The following CASR variants were observed in gnomAD, a reference collection of about 807,000 sequenced individuals.
CASR encodes the protein extracellular calcium-sensing receptor.
CASR carries 23 observed loss-of-function variants against 69.1 expected under a neutral mutation model. That is an observed-to-expected ratio of 0.33 (90% CI 0.24 to 0.47). The LOEUF (loss-of-function observed/expected upper bound fraction) is 0.47. Among genes scored for constraint, CASR ranks in the 20% least tolerant of loss-of-function variants. CASR has a pLI of 1.00. For missense variants in CASR, 924 were observed against 1,356.1 expected (o/e 0.68, Z 5.00); for synonymous variants, 541 against 544.7 (o/e 0.99, Z 0.10).
intron 1 of CASR, among the ~76,000 whole-genome samples, chr3:122,225,694 A>G (rs958405348): frequency 1.3e-5 from 2 of 152,202 alleles, no homozygotes; most frequent in African/African-American, 2.4e-5. Context: ...AAATAGAACT[A>G]TCATTTGACC....
chr3:122,267,031 G>A lies in CASR; in HGVS notation c.1377+4619G>A, dbSNP rs188094641. Among the ~76,000 whole-genome samples the A allele has an allele frequency of 2.0e-5, 3 of 152,234 alleles. No homozygotes were observed. In the East Asian group the frequency reaches 5.8e-4, roughly 29 times the overall value. ...AATAAATAAATAAATAATAAAAAGA[G>A]TGTTCTCTCTCGGGCAGATATCTAA... On this transcript the variant is annotated intron_variant, in intron 4 of 6. Coordinates refer to ENST00000639785, the MANE Select transcript of CASR (RefSeq NM_000388.4).
At chr3:122,202,080 G>T (rs1166622090) in intron 1 of CASR, among the ~76,000 whole-genome samples, 3 of 152,220 alleles carry the variant, frequency 2.0e-5, no homozygotes, top group South Asian at 2.1e-4. Flanking sequence ...CTGGGAGGTG[G>T]AGGTTGTAGC....
intron 5 of CASR, among the ~76,000 whole-genome samples, chr3:122,278,943 A>T (rs2074854648): frequency 6.6e-6 from 1 of 152,280 alleles, no homozygotes; most frequent in South Asian, 2.1e-4. Context: ...TAGACACATG[A>T]CTACCCAGAT....
At chr3:122,271,213 T>C (rs1357712932) in intron 4 of CASR, among the ~76,000 whole-genome samples, 7 of 152,152 alleles carry the variant, frequency 4.6e-5, no homozygotes, top group African/African-American at 1.4e-4. Flanking sequence ...AATTATGCAC[T>C]CAAAAGACAA....
At chr3:122,268,700 C>T (rs772284720) in intron 4 of CASR, among the ~76,000 whole-genome samples, 9 of 152,146 alleles carry the variant, frequency 5.9e-5, no homozygotes, top group Non-Finnish European at 8.8e-5. Context: ...GTAGTGGTCC[C>T]TCAATAAATA....
Position 122,285,206 on chromosome 3 carries a change from A to T in CASR, c.*15A>T. The T allele has an allele frequency of 6.2e-7, 1 of 1,612,508 alleles. No homozygotes were observed. The highest frequency in any genetic ancestry group is 8.5e-7 in the Non-Finnish European group (1 of 1,179,002). ...TGAATTCATAAAATGGAAGGAGAAG[A>T]CTGGGCTAGGGAGAATGCAGAGAGG... On this transcript the variant is annotated 3_prime_UTR_variant, in exon 7 of 7. Transcript: ENST00000639785.
At chr3:122,212,380 G>A (rs1326690867) in intron 1 of CASR, among the ~76,000 whole-genome samples, 2 of 152,066 alleles carry the variant, frequency 1.3e-5, no homozygotes, top group African/African-American at 2.4e-5. Context: ...GACACAGGGA[G>A]AGGAATAACA....
intron 2 of CASR, among the ~76,000 whole-genome samples, chr3:122,255,852 A>G (rs1364777897): frequency 2.0e-5 from 3 of 152,354 alleles, no homozygotes; most frequent in South Asian, 2.1e-4. Context: ...AAAAGATTGT[A>G]TATCTCACCT....
At position 122,265,528 on chromosome 3, in the gene CASR, G is replaced by A. The variant is rs139327853; in HGVS notation, c.1377+3116G>A. On this transcript the variant is annotated intron_variant, in intron 4 of 6. Transcript: ENST00000639785. ...CAGTACTATGTTCAGAATGCCTGTC[G>A]CTGGAATATTCATTGAATGAATGAA... 2.3e-3 allele frequency among the ~76,000 whole-genome samples: 347 copies of A among 152,228 alleles called. 2 individuals are homozygous for A. The highest frequency in any genetic ancestry group is 7.3e-3 in the African/African-American group (302 of 41,528).
intron 4 of CASR, among the ~76,000 whole-genome samples, chr3:122,269,171 T>G (rs539804658): frequency 1.3e-5 from 2 of 152,352 alleles, no homozygotes; most frequent in African/African-American, 4.8e-5. Context: ...TTGCTTGTTT[T>G]TGTTTATTTC....
At position 122,258,970 on chromosome 3, in the gene CASR, A is replaced by T. The variant is rs565562065; in HGVS notation, c.492+1583A>T. Among the ~76,000 whole-genome samples the T allele has an allele frequency of 2.6e-5, 4 of 152,204 alleles. No individual in the cohort carries two copies. The East Asian group carries it at 7.7e-4, about 29-fold the overall frequency. On this transcript the variant is annotated intron_variant, in intron 3 of 6. Coordinates refer to ENST00000639785, the MANE Select transcript of CASR (RefSeq NM_000388.4). ...GGTCATGGACCCAGGGGTATTTCGT[A>T]TGCCAGCCACGCCACCAAGTGGATG...
At chr3:122,212,691 A>C (rs1319492988) in intron 1 of CASR, among the ~76,000 whole-genome samples, 1 of 151,284 alleles carries the variant, frequency 6.6e-6, no homozygotes, top group Non-Finnish European at 1.5e-5. Context: ...GCCCAGGCTG[A>C]AGTGTAATGG....
At chr3:122,233,875 A>T (rs1293853581) in intron 1 of CASR, among the ~76,000 whole-genome samples, 2 of 152,202 alleles carry the variant, frequency 1.3e-5, no homozygotes, top group East Asian at 3.9e-4. Flanking sequence ...AAAGTTTTTC[A>T]CTGGGGGGAG....
intron 1 of CASR, among the ~76,000 whole-genome samples, chr3:122,241,748 A>G (rs1482857015): frequency 2.6e-5 from 4 of 152,136 alleles, no homozygotes; most frequent in African/African-American, 7.2e-5. Flanking sequence ...ACAGGCCAAC[A>G]TCTCTGATGA....
At chr3:122,191,329 T>G (rs2073837623) in intron 1 of CASR, among the ~76,000 whole-genome samples, 1 of 152,220 alleles carries the variant, frequency 6.6e-6, no homozygotes, top group African/African-American at 2.4e-5. Flanking sequence ...TTTGTTTTTT[T>G]GAGATGGAGC....
chr3:122,232,019 G>A (rs1576837297), intron 1 of CASR, among the ~76,000 whole-genome samples: 1 of 152,122 alleles, frequency 6.6e-6, no homozygotes, highest in Non-Finnish European at 1.5e-5. Flanking sequence ...ACGACGTGGG[G>A]ATGGGATCAT....
intron 1 of CASR, among the ~76,000 whole-genome samples, chr3:122,225,144 G>A (rs2107604364): frequency 6.6e-6 from 1 of 152,098 alleles, no homozygotes; most frequent in South Asian, 2.1e-4. Context: ...TAACATTCTG[G>A]ACATCAGCCT....
intron 4 of CASR, among the ~76,000 whole-genome samples, chr3:122,269,566 C>T (rs539889553): frequency 1.3e-5 from 2 of 152,216 alleles, no homozygotes; most frequent in South Asian, 4.2e-4. Context: ...AATGTATATT[C>T]CTTTTTGTAC....
intron 1 of CASR, among the ~76,000 whole-genome samples, chr3:122,233,366 C>T (rs1047916738): frequency 1.3e-5 from 2 of 152,234 alleles, no homozygotes; most frequent in African/African-American, 4.8e-5. Flanking sequence ...TGGTGTCTCT[C>T]TTGTCTCACC....
Sources: allele counts gnomAD v4.1 joint callset (sites outside exome capture counted in the v4.1 genomes callset), GRCh38; gene constraint gnomAD v4.1.1; transcripts MANE v1.5; gene names NCBI Gene and HGNC (gene_info 2026-07-23, HGNC 2026-07-21).